ICAM2: variants seen among roughly 807,000 people sequenced by gnomAD.
ICAM2 encodes intercellular adhesion molecule 2, also known as ICAM-2.
A neutral mutation model predicts 19.1 loss-of-function variants in ICAM2; 14 were observed. The ratio of observed to expected loss-of-function variants is 0.73; its 90% CI spans 0.48 to 1.15. The LOEUF (loss-of-function observed/expected upper bound fraction) is 1.15, where lower values mean the gene tolerates loss of function less well. ICAM2 is among the 50% of genes most tolerant of loss of function. The probability of loss-of-function intolerance (pLI) is 0.00; values close to 1 mark genes in which losing one functional copy is unlikely to be tolerated. For synonymous variants in ICAM2, 153 were observed against 152.7 expected (o/e 1.00, Z -0.01); for missense variants, 311 against 355.4 (o/e 0.88, Z 1.00).
chr17:64,019,640 C>G (rs1043373511), intron 1 of ICAM2, among the ~76,000 whole-genome samples: 1 of 151,802 alleles, frequency 6.6e-6, no homozygotes, highest in East Asian at 1.9e-4. Context: ...ATAGTGAAAC[C>G]CTGTCGCTAC....
At chr17:64,006,454 G>A (rs1911212477) in intron 2 of ICAM2, 177 bp downstream of exon 2, 1 of 608,012 alleles carries the variant, frequency 1.6e-6, no homozygotes, top group Admixed American at 2.9e-5. Context: ...CCATGATCAT[G>A]CCACTGTACT....
intron 1 of ICAM2, among the ~76,000 whole-genome samples, chr17:64,018,765 A>G (rs1598029306): frequency 8.6e-6 from 1 of 116,600 alleles, no homozygotes; most frequent in Non-Finnish European, 1.6e-5. Flanking sequence ...TGTGTCGCCC[A>G]GGCTGGAGTG....
chr17:64,014,722 G>GAAAGAAAGAAAGA (rs1567849841), intron 1 of ICAM2, among the ~76,000 whole-genome samples: 1 of 16,008 alleles, frequency 6.2e-5, no homozygotes, highest in African/African-American at 7.8e-5. Context: ...AGGAAGGAAG[G>GAAAGAAAGAAAGA]AAGAAAGAAA....
chr17:64,018,333 C>CAAAAAAAAAAAAAAAAAAAA (rs376250303), intron 1 of ICAM2, among the ~76,000 whole-genome samples: 2 of 52,736 alleles, frequency 3.8e-5, no homozygotes, highest in Non-Finnish European at 6.0e-5. Context: ...GACTCTATCT[C>CAAAAAAAAAAAAAAAAAAAA]AAAAAAAAAA....
intron 1 of ICAM2, among the ~76,000 whole-genome samples, chr17:64,014,905 A>T (rs913016221): frequency 6.6e-6 from 1 of 152,104 alleles, no homozygotes; most frequent in Non-Finnish European, 1.5e-5. Flanking sequence ...GTGCGATATT[A>T]TCTCTCTATT....
intron 1 of ICAM2, among the ~76,000 whole-genome samples, chr17:64,018,835 C>T (rs941099365): frequency 4.6e-5 from 7 of 150,576 alleles, no homozygotes; most frequent in Non-Finnish European, 8.8e-5. Flanking sequence ...TATTCTCCTG[C>T]CTCAGTCTCC....
chr17:64,003,312 CA>C, intron 4 of ICAM2: 1 of 430,924 alleles, frequency 2.3e-6, no homozygotes. Context: ...CGTCCAGGGT[CA>C]CCAAGCAGCA....
intron 3 of ICAM2, chr17:64,004,416 G>A (rs1911060800): frequency 5.7e-6 from 1 of 176,782 alleles, no homozygotes. Flanking sequence ...AGGTTCTCCA[G>A]GGTCAGGGCC....
chr17:64,014,556 A>G (rs563930998), intron 1 of ICAM2, among the ~76,000 whole-genome samples: 4 of 144,694 alleles, frequency 2.8e-5, no homozygotes, highest in African/African-American at 7.7e-5. Flanking sequence ...AGGAAGGAAG[A>G]AAGAAAGAGA....
At chr17:64,017,858 C>T (rs944246529) in intron 1 of ICAM2, among the ~76,000 whole-genome samples, 1 of 151,914 alleles carries the variant, frequency 6.6e-6, no homozygotes, top group Admixed American at 6.6e-5. Flanking sequence ...AATTGATTAA[C>T]CATATAGAGA....
intron 1 of ICAM2, among the ~76,000 whole-genome samples, chr17:64,012,121 G>A (rs1006758904): frequency 2.6e-5 from 4 of 152,140 alleles, no homozygotes; most frequent in Non-Finnish European, 5.9e-5. Context: ...TTGACAACAC[G>A]AACAAACCTG....
At chr17:64,003,027 G>C (rs1157822602) in intron 4 of ICAM2, 102 bp from the exon 5 acceptor site, 2 of 1,003,138 alleles carry the variant, frequency 2.0e-6, no homozygotes, top group African/African-American at 1.6e-5. Context: ...CCCAGACCCC[G>C]CCGCCCGCTC....
At chr17:64,016,538 C>T (rs1381878712) in intron 1 of ICAM2, among the ~76,000 whole-genome samples, 1 of 152,192 alleles carries the variant, frequency 6.6e-6, no homozygotes, top group Admixed American at 6.5e-5. Flanking sequence ...GTTAAGGTCC[C>T]TAGAATGCGA....
chr17:64,006,483 C>T (rs556440288), intron 2 of ICAM2, 148 bp downstream of exon 2: 5 of 664,694 alleles, frequency 7.5e-6, no homozygotes, highest in Admixed American at 5.4e-5. Context: ...GGTGATAGAC[C>T]GAGACCCTGT....
At position 64,014,616 on chromosome 17, in the gene ICAM2, GGAGAGAGAGAGAAAGAAAGAAA is replaced by G. The variant is rs60466329; in HGVS notation, c.-45+5885_-45+5906del. Among the ~76,000 whole-genome samples, 721 of 86,220 alleles carry G rather than the reference GGAGAGAGAGAGAAAGAAAGAAA, an allele frequency of 8.4e-3. 8 individuals are homozygous for G. The highest frequency in any genetic ancestry group is 0.025 in the African/African-American group (653 of 25,984). 56.6% of individuals were successfully genotyped at this position (86,220 alleles called of 152,430 possible). The stretch of plus-strand genomic sequence containing the variant: ...GAAAGAAAGAAAGGGAGGGAGGGAG[GGAGAGAGAGAGAAAGAAAGAAA>G]GAGAGAGAGAGAAAGAAAGGAAGAA... On this transcript the variant is annotated intron_variant, in intron 1 of 4. Transcript: ENST00000579788.
chr17:64,008,720 GA>G (rs1030727505), intron 1 of ICAM2, among the ~76,000 whole-genome samples: 1 of 152,212 alleles, frequency 6.6e-6, no homozygotes, highest in Non-Finnish European at 1.5e-5. Context: ...AGACCCTCAA[GA>G]GGGAAAAGCA....
At position 64,005,246 on chromosome 17, in the gene ICAM2, A is replaced by C. The variant is rs772075989; in HGVS notation, c.189T>G (p.Ser63=). ...GTTCGTCCAGCAGAATCTTATCTAG[A>C]GAGGTCTCCAGACCACCCACTTCAG... ...NQPEVGGLET[S]LDKILLDEQA... is the part of the protein sequence containing the mutation. The change falls in exon 3 of 5, where the codon TCT becomes TCG. Residue 63 remains serine, a synonymous_variant. Coordinates refer to ENST00000579788, the MANE Select transcript of ICAM2 (RefSeq NM_001099789.2). 16 of 1,614,026 alleles carry C rather than the reference A, an allele frequency of 9.9e-6. No individual in the cohort carries two copies. The highest frequency in any genetic ancestry group is 1.4e-5 in the Non-Finnish European group (16 of 1,180,022).
Position 64,003,808 on chromosome 17 carries a change from C to A in ICAM2, c.485G>T (p.Gly162Val). ...CTCCTGCGGAGCAGGGGCTGCCTTC[C>A]CGAAGGTCTCATAGTGCAGAGTCTC... is the stretch of plus-strand genomic sequence containing the variant. The part of the protein sequence containing the change: ...GNETLHYETF[G>V]KAAPAPQEAT... Residue 162 changes from glycine to valine, a missense_variant, in exon 4 of 5, where the codon GGG (glycine) becomes GTG (valine). By Grantham distance (109) the Gly-to-Val change is moderately radical (BLOSUM62 -3). Coordinates refer to ENST00000579788, the MANE Select transcript of ICAM2 (RefSeq NM_001099789.2). 1.9e-6 allele frequency: 3 copies of A among 1,614,214 alleles called. No individual in the cohort carries two copies. The highest frequency in any genetic ancestry group is 2.5e-6 in the Non-Finnish European group (3 of 1,180,044).
At chr17:64,012,311 T>C (rs1911486925) in intron 1 of ICAM2, among the ~76,000 whole-genome samples, 1 of 151,844 alleles carries the variant, frequency 6.6e-6, no homozygotes, top group Non-Finnish European at 1.5e-5. Context: ...ATTTTAAAAA[T>C]TTTAGGCTGG....
Sources: gnomAD v4.1 joint callset for allele counts (sites outside exome capture counted in the v4.1 genomes callset) on GRCh38, gnomAD v4.1.1 for gene constraint, MANE v1.5 for transcripts, NCBI Gene and HGNC (gene_info 2026-07-23, HGNC 2026-07-21) for gene names.